The following MROH9 variants were observed in gnomAD, a reference collection of about 807,000 sequenced individuals.
MROH9 encodes the protein maestro heat like repeat family member 9.
In MROH9, 92 loss-of-function variants were observed where a neutral mutation model predicts 98.2. That is an observed-to-expected ratio of 0.94 (90% CI 0.79 to 1.11). The LOEUF is 1.11. Among genes scored for constraint, MROH9 ranks in the 50% most tolerant of loss-of-function variants. MROH9 has a pLI of 0.00. For missense variants in MROH9, 1,057 were observed against 1,014.8 expected (o/e 1.04, Z -0.57); for synonymous variants, 397 against 368.9 (o/e 1.08, Z -0.87).
chr1:171,029,832 C>T (rs1652848156), intron 20 of MROH9, among the ~76,000 whole-genome samples: 2 of 152,172 alleles, frequency 1.3e-5, no homozygotes, highest in African/African-American at 4.8e-5. Context: ...GGAGGAGTCC[C>T]TCCTTTTCAA....
chr1:170,967,579 C>A (rs1172128122), intron 7 of MROH9, among the ~76,000 whole-genome samples: 1 of 152,138 alleles, frequency 6.6e-6, no homozygotes, highest in Non-Finnish European at 1.5e-5. Flanking sequence ...TGTTCCTACA[C>A]TGGATAGACT....
chr1:171,055,927 C>A (rs1224159997), intron 20 of MROH9, among the ~76,000 whole-genome samples: 1 of 152,138 alleles, frequency 6.6e-6, no homozygotes, highest in Non-Finnish European at 1.5e-5. Context: ...GCCCCTACCC[C>A]CAGGCCAAGG....
At chr1:170,967,054 C>CT (rs1650260577) in intron 7 of MROH9, among the ~76,000 whole-genome samples, 1 of 152,142 alleles carries the variant, frequency 6.6e-6, no homozygotes, top group African/African-American at 2.4e-5. Flanking sequence ...CTTTCCATTA[C>CT]TGTAGTAGAG....
At chr1:170,967,577 C>T (rs1024172108) in intron 7 of MROH9, among the ~76,000 whole-genome samples, 3 of 152,190 alleles carry the variant, frequency 2.0e-5, no homozygotes, top group Admixed American at 2.0e-4. Context: ...ACTGTTCCTA[C>T]ACTGGATAGA....
At chr1:171,000,499 T>C (rs908377202) in intron 15 of MROH9, among the ~76,000 whole-genome samples, 1 of 152,166 alleles carries the variant, frequency 6.6e-6, no homozygotes, top group African/African-American at 2.4e-5. Context: ...GAGATGATCA[T>C]GTGATTTTTG....
chr1:171,024,629 G>A lies in MROH9; in HGVS notation c.2062-20G>A, dbSNP rs949203650. On this transcript the variant is annotated intron_variant, in intron 18 of 21. Coordinates refer to ENST00000367759, the MANE Select transcript of MROH9 (RefSeq NM_001163629.2). The stretch of plus-strand genomic sequence containing the variant: ...AACAACAGATGAATAGATCTTCACC[G>A]GCCTTTTTCTGTCTCACAGGCATGT... The A allele has an allele frequency of 8.4e-6, 13 of 1,539,054 alleles. No homozygotes were observed. The highest frequency in any genetic ancestry group is 4.0e-5 in the Admixed American group (2 of 49,648).
At chr1:171,000,928 G>A (rs1488904151) in intron 15 of MROH9, among the ~76,000 whole-genome samples, 1 of 151,898 alleles carries the variant, frequency 6.6e-6, no homozygotes, top group East Asian at 1.9e-4. Context: ...CTTGTTATTG[G>A]TCTGTTCAGG....
chr1:171,013,045 C>T (rs1325738071), intron 15 of MROH9, among the ~76,000 whole-genome samples: 1 of 152,136 alleles, frequency 6.6e-6, no homozygotes, highest in Admixed American at 6.5e-5. Flanking sequence ...CAAACACACC[C>T]TGCTTCATAT....
At chr1:170,958,357 C>A in intron 3 of MROH9, 104 bp from the exon 4 acceptor site, 1 of 581,972 alleles carries the variant, frequency 1.7e-6, no homozygotes, top group Non-Finnish European at 3.0e-6. Flanking sequence ...TGATTTGGTT[C>A]CTTTAGTCTC....
chr1:171,013,187 A>G (rs938894160), intron 15 of MROH9, among the ~76,000 whole-genome samples: 5 of 152,142 alleles, frequency 3.3e-5, no homozygotes, highest in African/African-American at 1.2e-4. Context: ...ACATTACACA[A>G]TGTAAATTCA....
chr1:171,059,474 A>G (rs1246777022), intron 20 of MROH9, among the ~76,000 whole-genome samples: 1 of 152,220 alleles, frequency 6.6e-6, no homozygotes, highest in Non-Finnish European at 1.5e-5. Flanking sequence ...TGTGGAAGAC[A>G]GTATGGTGAT....
chr1:170,964,969 C>T (rs927696016), intron 6 of MROH9, among the ~76,000 whole-genome samples, 182 bp from the exon 7 acceptor site: 2 of 151,720 alleles, frequency 1.3e-5, no homozygotes, highest in Non-Finnish European at 2.9e-5. Context: ...ATACAGTTTC[C>T]ATAGTAGATG....
At chr1:171,016,871 G>A (rs547579003) in intron 17 of MROH9, among the ~76,000 whole-genome samples, 3 of 152,188 alleles carry the variant, frequency 2.0e-5, no homozygotes, top group African/African-American at 7.2e-5. Context: ...ATTTTACATG[G>A]TAAATATGTT....
At chr1:171,060,907 T>A (rs1191662652) in intron 20 of MROH9, among the ~76,000 whole-genome samples, 2 of 152,118 alleles carry the variant, frequency 1.3e-5, no homozygotes, top group African/African-American at 4.8e-5. Flanking sequence ...GGGGTTTGTG[T>A]TAATTAAAAA....
chr1:171,045,938 A>C (rs1653459323), intron 20 of MROH9, among the ~76,000 whole-genome samples: 1 of 151,746 alleles, frequency 6.6e-6, no homozygotes, highest in African/African-American at 2.4e-5. Flanking sequence ...TCTCTCTTTC[A>C]CTCTAATAGT....
intron 20 of MROH9, among the ~76,000 whole-genome samples, chr1:171,042,338 A>G (rs1653334951): frequency 6.6e-6 from 1 of 152,094 alleles, no homozygotes; most frequent in Admixed American, 6.6e-5. Flanking sequence ...TTATGGCTGA[A>G]TGGTATTCCA....
At chr1:170,988,797 C>T (rs16863915) in intron 10 of MROH9, among the ~76,000 whole-genome samples, 4,466 of 152,116 alleles carry the variant, frequency 0.029, 128 homozygotes, top group African/African-American at 0.076. Context: ...TTGAAACAGA[C>T]CATCATTTTT....
chr1:171,030,686 G>T (rs1652877027), intron 20 of MROH9, among the ~76,000 whole-genome samples: 1 of 152,210 alleles, frequency 6.6e-6, no homozygotes. Context: ...TGCATTTGCT[G>T]AGGAATGTTT....
Position 170,983,511 on chromosome 1 carries a change from C to A in MROH9, c.706C>A (p.Gln236Lys), listed in dbSNP as rs112394419. The change falls in exon 9 of 22, where the codon CAA becomes AAA. Residue 236 changes from glutamine to lysine, a missense_variant. Coordinates refer to ENST00000367759, the MANE Select transcript of MROH9 (RefSeq NM_001163629.2). ...DVEFLPKEFQ[Q>K]DESKIAQRVG... ...AGAATTTCTACCCAAGGAGTTTCAA[C>A]AAGACGAAAGTAAAATAGCTCAGGT... 8.5e-3 allele frequency: 13,729 copies of A among 1,611,656 alleles called. 74 individuals are homozygous for A. Among genetic ancestry groups the A allele is most frequent in the Non-Finnish European group, 0.01 (12,011 of 1,178,128 alleles).
Sources: gnomAD v4.1 joint callset for allele counts (sites outside exome capture counted in the v4.1 genomes callset) on GRCh38, gnomAD v4.1.1 for gene constraint, MANE v1.5 for transcripts, NCBI Gene and HGNC (gene_info 2026-07-23, HGNC 2026-07-21) for gene names.